Variants in TYW1 observed in about 807,000 individuals in gnomAD.
The protein encoded by TYW1 is tRNA-yW synthesizing protein 1 homolog.
TYW1 carries 46 observed loss-of-function variants against 96.2 expected under a neutral mutation model. The ratio of observed to expected loss-of-function variants is 0.48; its 90% CI spans 0.38 to 0.61. The LOEUF is 0.61. Among genes scored for constraint, TYW1 ranks in the 20% least tolerant of loss-of-function variants. TYW1 has a pLI of 0.00. For missense variants in TYW1, 684 were observed against 909.6 expected (o/e 0.75, Z 3.19); for synonymous variants, 274 against 323.0 (o/e 0.85, Z 1.63).
intron 15 of TYW1, among the ~76,000 whole-genome samples, chr7:67,227,172 G>A (rs1384297273): frequency 1.3e-5 from 2 of 152,144 alleles, no homozygotes; most frequent in South Asian, 2.1e-4. Context: ...CTTCTGGGAG[G>A]TGACCTCCAA....
At chr7:67,034,819 T>C (rs1285060374) in intron 7 of TYW1, among the ~76,000 whole-genome samples, 4 of 152,238 alleles carry the variant, frequency 2.6e-5, no homozygotes, top group African/African-American at 7.2e-5. Flanking sequence ...TATAAACTTA[T>C]CCGAAGAATA....
intron 13 of TYW1, among the ~76,000 whole-genome samples, chr7:67,158,545 A>G (rs1283900402): frequency 6.6e-6 from 1 of 152,154 alleles, no homozygotes; most frequent in African/African-American, 2.4e-5. Flanking sequence ...AATAAATCCC[A>G]GCTGGTCAGC....
chr7:67,106,130 C>CA (rs1797234497), intron 12 of TYW1, among the ~76,000 whole-genome samples: 1 of 152,138 alleles, frequency 6.6e-6, no homozygotes, highest in Admixed American at 6.5e-5. Context: ...CTCCTGACCT[C>CA]AGGTGATCCG....
chr7:67,160,048 C>T (rs924814957), intron 13 of TYW1, among the ~76,000 whole-genome samples: 8 of 152,212 alleles, frequency 5.3e-5, no homozygotes, highest in South Asian at 2.1e-4. Flanking sequence ...GTGATCAGCC[C>T]GCCTCAGCCT....
intron 15 of TYW1, among the ~76,000 whole-genome samples, chr7:67,237,376 A>T (rs1214656661): frequency 3.3e-5 from 5 of 151,932 alleles, no homozygotes; most frequent in Admixed American, 1.3e-4. Flanking sequence ...GGCAGGAGCC[A>T]GTAGTCCCAG....
intron 7 of TYW1, among the ~76,000 whole-genome samples, chr7:67,044,111 G>GT (rs201692947): frequency 0.29 from 35,643 of 124,236 alleles, 5,979 homozygotes; most frequent in African/African-American, 0.34. Flanking sequence ...ATGAATAAGA[G>GT]TTTTTTTTTT....
At chr7:67,084,632 C>T (rs1425284280) in intron 11 of TYW1, among the ~76,000 whole-genome samples, 1 of 152,054 alleles carries the variant, frequency 6.6e-6, no homozygotes, top group Non-Finnish European at 1.5e-5. Flanking sequence ...ATCCTCCCAC[C>T]TCAGCCTTGC....
rs766362227 is a variant in TYW1, at chr7:67,117,552, C to G, written c.1632C>G (p.Ile544Met). 31 of 1,613,870 alleles carry G rather than the reference C, an allele frequency of 1.9e-5. No homozygotes were observed. In the Admixed American group the frequency reaches 4.7e-4, roughly 24 times the overall value. Residue 544 changes from isoleucine to methionine, a missense_variant, in exon 13 of 16, where the codon ATC becomes ATG. Transcript: ENST00000359626. Reference sequence around the variant, plus strand: ...GTACCAAAGACAGCCTGAAGAAAATCGACCGCCCACTCTTCAAGGATTTCT... The same window carrying G: ...GTACCAAAGACAGCCTGAAGAAAATGGACCGCCCACTCTTCAAGGATTTCT... ...DASTKDSLKKIDRPLFKDFWQ... is the reference protein window; with the variant it reads ...DASTKDSLKKMDRPLFKDFWQ...
chr7:67,174,021 C>T (rs12533191), intron 13 of TYW1, among the ~76,000 whole-genome samples: 30,043 of 131,452 alleles, frequency 0.23, 4,813 homozygotes, highest in African/African-American at 0.32. Flanking sequence ...AAATGGTTTT[C>T]CTGGGAGTAT....
At chr7:67,008,407 G>A (rs1793675802) in intron 3 of TYW1, among the ~76,000 whole-genome samples, 1 of 152,190 alleles carries the variant, frequency 6.6e-6, no homozygotes, top group Admixed American at 6.5e-5. Flanking sequence ...GGGGTAGGAG[G>A]TGCTGAGTTT....
At chr7:67,159,243 T>TCTAAGTTA (rs1799081140) in intron 13 of TYW1, among the ~76,000 whole-genome samples, 1 of 152,214 alleles carries the variant, frequency 6.6e-6, no homozygotes, top group Non-Finnish European at 1.5e-5. Flanking sequence ...TACTATTAAA[T>TCTAAGTTA]AGCACTGCAA....
intron 13 of TYW1, among the ~76,000 whole-genome samples, chr7:67,163,826 G>A (rs543688299): frequency 2.6e-5 from 4 of 152,054 alleles, no homozygotes; most frequent in South Asian, 4.2e-4. Context: ...GCGCTACCAC[G>A]TCCAGCTAAT....
chr7:67,103,928 T>G (rs1299229626), intron 12 of TYW1, among the ~76,000 whole-genome samples: 2 of 152,148 alleles, frequency 1.3e-5, no homozygotes, highest in Non-Finnish European at 2.9e-5. Flanking sequence ...ATAGGTTTAT[T>G]TTAAACCTGG....
chr7:67,065,091 C>T (rs893435284), intron 9 of TYW1, among the ~76,000 whole-genome samples: 13 of 152,180 alleles, frequency 8.5e-5, no homozygotes, highest in African/African-American at 3.1e-4. Context: ...GGACCGCACA[C>T]CTCTGGGAAG....
chr7:67,059,338 C>T (rs974831290), intron 9 of TYW1, among the ~76,000 whole-genome samples: 5 of 151,462 alleles, frequency 3.3e-5, no homozygotes, highest in East Asian at 1.9e-4. Context: ...CTCCTGACCT[C>T]GTGATCCACC....
intron 12 of TYW1, among the ~76,000 whole-genome samples, chr7:67,102,347 T>TTC (rs1797110204): frequency 6.6e-6 from 1 of 152,210 alleles, no homozygotes. Context: ...CTGGTGAGTC[T>TTC]TCTCAGGCCT....
intron 13 of TYW1, among the ~76,000 whole-genome samples, chr7:67,149,950 A>G (rs1798746740): frequency 1.3e-5 from 2 of 151,912 alleles, no homozygotes; most frequent in African/African-American, 2.4e-5. Context: ...CTAACTATTT[A>G]AAGATTTATG....
At chr7:67,192,958 G>T (rs750987327) in intron 14 of TYW1, among the ~76,000 whole-genome samples, 4 of 152,196 alleles carry the variant, frequency 2.6e-5, no homozygotes, top group Non-Finnish European at 5.9e-5. Flanking sequence ...GATCATGCTT[G>T]CTTGTGGTTT....
chr7:67,158,032 T>C (rs371039704), intron 13 of TYW1, among the ~76,000 whole-genome samples: 10 of 152,080 alleles, frequency 6.6e-5, no homozygotes, highest in South Asian at 2.1e-4. Flanking sequence ...TTTCTGTAGA[T>C]ATTTTTTATT....
Sources: allele counts gnomAD v4.1 joint callset (sites outside exome capture counted in the v4.1 genomes callset), GRCh38; gene constraint gnomAD v4.1.1; transcripts MANE v1.5; gene names NCBI Gene and HGNC (gene_info 2026-07-23, HGNC 2026-07-21).